Variants in NT5DC1 observed in about 807,000 individuals in gnomAD.
NT5DC1 encodes 5'-nucleotidase domain-containing protein 1.
Under a neutral mutation model 59.4 loss-of-function variants are expected in NT5DC1, and 42 were observed. The ratio of observed to expected loss-of-function variants is 0.71; its 90% confidence interval spans 0.55 to 0.92. The LOEUF (loss-of-function observed/expected upper bound fraction) is 0.92, where lower values mean the gene tolerates loss of function less well. Ranked by LOEUF, NT5DC1 falls within the 40% of genes least tolerant of loss-of-function variation. The pLI is 0.00. For synonymous variants in NT5DC1, 172 were observed against 188.1 expected (o/e 0.91, Z 0.70); for missense variants, 501 against 537.1 (o/e 0.93, Z 0.66).
At position 116,223,102 on chromosome 6, in the gene NT5DC1, T is replaced by G. The variant is rs769547963; in HGVS notation, c.773T>G (p.Leu258Ter). 2 of 1,605,196 alleles carry G rather than the reference T, an allele frequency of 1.2e-6. No homozygotes were observed. The highest frequency in any genetic ancestry group is 2.2e-5 in the South Asian group (2 of 90,814). ...NALKPGFFSH[L>*]PSQRPFRTLE... is the part of the protein sequence containing the mutation. Reference sequence around the variant, plus strand: ...TTGAAGCCTGGTTTCTTCTCCCACTTACCAAGTCAGAGACCTTTCCGGACA... The same window carrying G: ...TTGAAGCCTGGTTTCTTCTCCCACTGACCAAGTCAGAGACCTTTCCGGACA... Residue 258 changes from leucine to a stop codon, truncating the protein, a stop_gained, in exon 8 of 12, where the codon TTA becomes TGA. Transcript: ENST00000319550. LOFTEE classifies it high-confidence loss of function.
At position 116,101,022 on chromosome 6, in the gene NT5DC1, C is replaced by T. The variant is rs1277512222; in HGVS notation, c.92C>T (p.Pro31Leu). The T allele has an allele frequency of 1.3e-6, 2 of 1,586,798 alleles. No homozygotes were observed. The highest frequency in any genetic ancestry group is 2.4e-5 in the East Asian group (1 of 41,762). Residue 31 changes from proline to leucine, a missense_variant and splice_region_variant, in exon 1 of 12, where the codon CCG becomes CTG. Coordinates refer to ENST00000319550, the MANE Select transcript of NT5DC1 (RefSeq NM_152729.3). Reference sequence around the variant, plus strand: ...CGCTACAACCTGCCCGAGAGCGCCCCGGTGAGTGGCGCGGGCTCCGGGGCG... The same window carrying T: ...CGCTACAACCTGCCCGAGAGCGCCCTGGTGAGTGGCGCGGGCTCCGGGGCG... ...LCRYNLPESA[P>L]LIYNSFAQFL...
rs893330688 is a variant in NT5DC1 at position 116,248,834 on chromosome 6, A to C, written c.*4810A>C. On this transcript the variant is annotated 3_prime_UTR_variant, in exon 12 of 12. Coordinates refer to ENST00000319550, the MANE Select transcript of NT5DC1 (RefSeq NM_152729.3). ...GGAGCAGGGCTATAGCAGTGAACCA[A>C]TTGGTTGGTAAGTGAAACCTGTAAG... 2 of 152,276 alleles carry C rather than the reference A, an allele frequency of 1.3e-5. No homozygotes were observed. Among genetic ancestry groups the C allele is most frequent in the African/African-American group, 4.8e-5 (2 of 41,480 alleles). The allele number at this position is 152,276 out of a possible 1,614,324, so 9.4% of individuals were successfully genotyped here.
intron 6 of NT5DC1, among the ~76,000 whole-genome samples, chr6:116,151,258 A>C (rs949590161): frequency 1.3e-5 from 2 of 152,220 alleles, no homozygotes; most frequent in Non-Finnish European, 2.9e-5. Context: ...TGAGATCAGA[A>C]TATGTGGGCC....
In NT5DC1 at chr6:116,163,290, A is replaced by G. The variant is rs182436466; in HGVS notation, c.529+45345A>G. On this transcript the variant is annotated intron_variant, in intron 6 of 11. Transcript: ENST00000319550. The stretch of plus-strand genomic sequence containing the variant: ...TGGTAGATCTTTTATTACTGATTCA[A>G]TTTTATAATTTGTTGTTATTGGTCT... Among the ~76,000 whole-genome samples, 275 of 150,374 alleles carry G rather than the reference A, an allele frequency of 1.8e-3. 1 individual carries two copies. Among genetic ancestry groups the G allele is most frequent in the African/African-American group, 5.8e-3 (236 of 41,040 alleles).
intron 6 of NT5DC1, among the ~76,000 whole-genome samples, chr6:116,217,603 C>T (rs1168933671): frequency 6.6e-6 from 1 of 152,000 alleles, no homozygotes; most frequent in Non-Finnish European, 1.5e-5. Flanking sequence ...CATAGGCTGC[C>T]TTAATCATAC....
chr6:116,184,975 A>G (rs1338845017), intron 6 of NT5DC1, among the ~76,000 whole-genome samples: 2 of 151,534 alleles, frequency 1.3e-5, no homozygotes, highest in East Asian at 1.9e-4. Flanking sequence ...TAGATTGTCT[A>G]TTTGTGCTCT....
In NT5DC1 at chr6:116,101,034, C is replaced by A; in HGVS notation, c.93+11C>A. 6.3e-7 allele frequency: 1 copy of A among 1,575,108 alleles called. No homozygotes were observed. The highest frequency in any genetic ancestry group is 8.6e-7 in the Non-Finnish European group (1 of 1,158,652). On this transcript the variant is annotated intron_variant, in intron 1 of 11. Transcript: ENST00000319550. ...CCCGAGAGCGCCCCGGTGAGTGGCG[C>A]GGGCTCCGGGGCGCACTGCGCGCAA...
chr6:116,125,004 T>G (rs928058324), intron 6 of NT5DC1, among the ~76,000 whole-genome samples: 1 of 152,366 alleles, frequency 6.6e-6, no homozygotes, highest in East Asian at 1.9e-4. Context: ...GCTTAAAATT[T>G]TTAAACTTGA....
At chr6:116,191,556 T>G in intron 6 of NT5DC1, among the ~76,000 whole-genome samples, 1 of 152,070 alleles carries the variant, frequency 6.6e-6, no homozygotes, top group Non-Finnish European at 1.5e-5. Context: ...TGTAATAAAT[T>G]ATACCTTAAA....
At chr6:116,200,003 G>GTT (rs1248879458) in intron 6 of NT5DC1, among the ~76,000 whole-genome samples, 3 of 150,984 alleles carry the variant, frequency 2.0e-5, no homozygotes, top group African/African-American at 7.4e-5. Flanking sequence ...GGAAAGTGGG[G>GTT]GGGGAAGAGT....
chr6:116,121,579 T>A (rs1562124541), intron 6 of NT5DC1: 1 of 1,614,082 alleles, frequency 6.2e-7, no homozygotes, highest in Non-Finnish European at 8.5e-7. Context: ...CAGGGACTCC[T>A]GGTGCACCCT....
intron 7 of NT5DC1, among the ~76,000 whole-genome samples, chr6:116,221,462 T>A (rs1180884543): frequency 6.6e-6 from 1 of 152,204 alleles, no homozygotes; most frequent in African/African-American, 2.4e-5. Flanking sequence ...TCACCGAATG[T>A]CCAGGTTTTA....
In NT5DC1 at chr6:116,110,909, A is replaced by G; in HGVS notation, c.317A>G (p.Lys106Arg). Reference protein sequence around the residue: ...PEVLAEAYGKKEWKHFLSDTG... With the variant: ...PEVLAEAYGKREWKHFLSDTG... The stretch of plus-strand genomic sequence containing the variant: ...GTGCTGGCAGAGGCATATGGCAAGA[A>G]AGAGTGGAAGCACTTCTTGTCGGAC... Residue 106 changes from lysine (K) to arginine (R), a missense_variant, in exon 4 of 12, where the codon AAA (lysine) becomes AGA (arginine). Physicochemically the swap from Lys to Arg is conservative, Grantham distance 26. Coordinates refer to ENST00000319550, the MANE Select transcript of NT5DC1 (RefSeq NM_152729.3). 6.2e-7 allele frequency: 1 copy of G among 1,614,132 alleles called. No individual in the cohort carries two copies. Among genetic ancestry groups the G allele is most frequent in the Non-Finnish European group, 8.5e-7 (1 of 1,179,958 alleles).
At chr6:116,110,528 C>G (rs953403184) in intron 3 of NT5DC1, among the ~76,000 whole-genome samples, 1 of 152,134 alleles carries the variant, frequency 6.6e-6, no homozygotes, top group Non-Finnish European at 1.5e-5. Flanking sequence ...CAGTTGTTTT[C>G]TAATTGCTCC....
intron 6 of NT5DC1, among the ~76,000 whole-genome samples, chr6:116,171,385 T>C (rs1254612436): frequency 6.6e-6 from 1 of 152,210 alleles, no homozygotes; most frequent in Non-Finnish European, 1.5e-5. Context: ...TAAAAGGCCA[T>C]TTGTAATCTA....
chr6:116,108,929 T>C (rs894827060), intron 3 of NT5DC1, among the ~76,000 whole-genome samples: 1 of 152,238 alleles, frequency 6.6e-6, no homozygotes, highest in Admixed American at 6.5e-5. Context: ...GAAGTTTTTC[T>C]GGACTGTTCC....
intron 6 of NT5DC1, among the ~76,000 whole-genome samples, chr6:116,195,623 G>A (rs1781206615): frequency 6.6e-6 from 1 of 151,962 alleles, no homozygotes; most frequent in Admixed American, 6.6e-5. Flanking sequence ...ATAATCAGGG[G>A]TTAGAAAGAT....
chr6:116,222,544 A>C (rs1781827557), intron 7 of NT5DC1, among the ~76,000 whole-genome samples: 1 of 152,230 alleles, frequency 6.6e-6, no homozygotes, highest in Admixed American at 6.5e-5. Context: ...TTATAAGACT[A>C]CACTGATTGT....
chr6:116,227,637 CT>C (rs937514415), intron 8 of NT5DC1, among the ~76,000 whole-genome samples: 4 of 151,466 alleles, frequency 2.6e-5, no homozygotes, highest in Non-Finnish European at 5.9e-5. Context: ...TATCTTTTGT[CT>C]TTTTGATAAC....
Sources: gnomAD v4.1 joint callset for allele counts (sites outside exome capture counted in the v4.1 genomes callset) on GRCh38, gnomAD v4.1.1 for gene constraint, MANE v1.5 for transcripts, NCBI Gene and HGNC (gene_info 2026-07-23, HGNC 2026-07-21) for gene names.